Variants in MDGA2 observed in about 807,000 individuals in gnomAD.
MDGA2 encodes the protein MAM domain containing glycosylphosphatidylinositol anchor 2.
In MDGA2, 40 loss-of-function variants were observed where a neutral mutation model predicts 117.8. The ratio of observed to expected loss-of-function variants is 0.34; its 90% CI spans 0.26 to 0.44. The LOEUF is 0.44. Ranked by LOEUF, MDGA2 falls within the 20% of genes least tolerant of loss-of-function variation. The probability of loss-of-function intolerance (pLI) is 1.00; values close to 1 mark genes in which losing one functional copy is unlikely to be tolerated. For missense variants in MDGA2, 1,123 were observed against 1,250.6 expected (o/e 0.90, Z 1.54); for synonymous variants, 452 against 439.0 (o/e 1.03, Z -0.37).
At chr14:47,656,224 C>A (rs1002691092) in intron 1 of MDGA2, among the ~76,000 whole-genome samples, 3 of 152,122 alleles carry the variant, frequency 2.0e-5, no homozygotes, top group African/African-American at 7.2e-5. Context: ...TGGGACTGAG[C>A]ACAAGTAGAC....
intron 1 of MDGA2, among the ~76,000 whole-genome samples, chr14:47,509,051 G>A (rs1031920136): frequency 1.3e-5 from 2 of 152,084 alleles, no homozygotes; most frequent in Non-Finnish European, 2.9e-5. Flanking sequence ...GATACAGACA[G>A]GTTTCTATGA....
chr14:47,460,486 G>C (rs1435666728), intron 1 of MDGA2, among the ~76,000 whole-genome samples: 1 of 151,926 alleles, frequency 6.6e-6, no homozygotes, highest in Non-Finnish European at 1.5e-5. Context: ...TACTTATTTA[G>C]ATGAGACACA....
At chr14:47,336,088 T>C (rs1890448814) in intron 1 of MDGA2, among the ~76,000 whole-genome samples, 1 of 151,872 alleles carries the variant, frequency 6.6e-6, no homozygotes. Context: ...TTTACCTGAA[T>C]GGAGTGATGG....
intron 13 of MDGA2, 64 bp from the exon 14 acceptor site, chr14:46,873,655 ACTGAGAAGT>A: frequency 7.0e-7 from 1 of 1,420,418 alleles, no homozygotes; most frequent in Non-Finnish European, 9.6e-7. Context: ...ATTTCAAATC[ACTGAGAAGT>A]CTTATAGTTT....
At chr14:47,504,589 A>G (rs948443081) in intron 1 of MDGA2, among the ~76,000 whole-genome samples, 1 of 152,154 alleles carries the variant, frequency 6.6e-6, no homozygotes, top group Non-Finnish European at 1.5e-5. Flanking sequence ...AGGTATATTC[A>G]AAAATGCCCA....
chr14:46,929,284 A>G (rs772689717), intron 9 of MDGA2, among the ~76,000 whole-genome samples: 14 of 152,176 alleles, frequency 9.2e-5, no homozygotes, highest in African/African-American at 2.9e-4. Flanking sequence ...TCTAACTAGC[A>G]AAGTATAAAA....
chr14:47,378,048 C>A (rs1891520999), intron 1 of MDGA2, among the ~76,000 whole-genome samples: 1 of 152,184 alleles, frequency 6.6e-6, no homozygotes, highest in Non-Finnish European at 1.5e-5. Context: ...ATTTGCCGTT[C>A]TGCCATGTTT....
At chr14:47,284,813 T>C (rs577205367) in intron 2 of MDGA2, among the ~76,000 whole-genome samples, 2 of 152,272 alleles carry the variant, frequency 1.3e-5, no homozygotes, top group Non-Finnish European at 2.9e-5. Context: ...CAAGCCAGCA[T>C]TACCCAGATG....
intron 10 of MDGA2, among the ~76,000 whole-genome samples, chr14:46,911,174 T>C (rs1050886508): frequency 2.6e-5 from 4 of 152,200 alleles, no homozygotes; most frequent in African/African-American, 9.7e-5. Context: ...AGATAAGTAA[T>C]GCCTATGATA....
intron 1 of MDGA2, among the ~76,000 whole-genome samples, chr14:47,335,745 T>TACATAC (rs77837591): frequency 5.2e-5 from 5 of 95,558 alleles, no homozygotes; most frequent in African/African-American, 1.3e-4. Flanking sequence ...TATATATATA[T>TACATAC]ATACATACAT....
intron 2 of MDGA2, among the ~76,000 whole-genome samples, chr14:47,272,046 A>G (rs989601831): frequency 6.6e-6 from 1 of 152,166 alleles, no homozygotes; most frequent in African/African-American, 2.4e-5. Flanking sequence ...AAACCTTGAC[A>G]AAGTCAAATG....
At chr14:47,567,380 A>G (rs1215990306) in intron 1 of MDGA2, among the ~76,000 whole-genome samples, 1 of 152,214 alleles carries the variant, frequency 6.6e-6, no homozygotes, top group Non-Finnish European at 1.5e-5. Flanking sequence ...AAGGAAAAAC[A>G]CTTATCATAC....
At chr14:47,404,203 T>C (rs1196691533) in intron 1 of MDGA2, among the ~76,000 whole-genome samples, 1 of 143,248 alleles carries the variant, frequency 7.0e-6, no homozygotes, top group Non-Finnish European at 1.5e-5. Context: ...TTTTTTTTTT[T>C]AAGACAGGGT....
At chr14:47,566,242 G>C (rs1215820334) in intron 1 of MDGA2, among the ~76,000 whole-genome samples, 1 of 152,150 alleles carries the variant, frequency 6.6e-6, no homozygotes. Context: ...GGTAAGGTAT[G>C]GTCTGCTAGT....
intron 9 of MDGA2, among the ~76,000 whole-genome samples, chr14:46,927,600 T>C (rs1274904116): frequency 6.6e-6 from 1 of 152,136 alleles, no homozygotes; most frequent in East Asian, 1.9e-4. Flanking sequence ...AATGACAACA[T>C]CTCTCAGTTG....
intron 1 of MDGA2, among the ~76,000 whole-genome samples, chr14:47,303,530 G>C (rs1889348796): frequency 6.6e-6 from 1 of 151,970 alleles, no homozygotes. Context: ...ATCATTTCAG[G>C]CAGTGATCAA....
intron 2 of MDGA2, among the ~76,000 whole-genome samples, chr14:47,286,723 C>G (rs904196466): frequency 4.7e-5 from 7 of 150,494 alleles, no homozygotes; most frequent in African/African-American, 1.7e-4. Flanking sequence ...GAGCAGGACA[C>G]TTTTTGAAAT....
intron 1 of MDGA2, among the ~76,000 whole-genome samples, chr14:47,613,828 C>A (rs1896898625): frequency 6.6e-6 from 1 of 151,992 alleles, no homozygotes; most frequent in Non-Finnish European, 1.5e-5. Flanking sequence ...AAAAATTTTA[C>A]CTATACTTTT....
chr14:46,952,914 T>A (rs916654499), intron 9 of MDGA2, among the ~76,000 whole-genome samples: 2 of 151,926 alleles, frequency 1.3e-5, no homozygotes, highest in East Asian at 1.9e-4. Context: ...TATCATCCTA[T>A]AGGCAATGAA....
Sources: allele counts gnomAD v4.1 joint callset (sites outside exome capture counted in the v4.1 genomes callset), GRCh38; gene constraint gnomAD v4.1.1; transcripts MANE v1.5; gene names NCBI Gene and HGNC (gene_info 2026-07-23, HGNC 2026-07-21).